Variants in DCP2 observed in about 807,000 individuals in gnomAD.
DCP2 encodes the protein m7GpppN-mRNA hydrolase.
A neutral mutation model predicts 56.1 loss-of-function variants in DCP2; 30 were observed. That is an observed-to-expected ratio of 0.53 (90% confidence interval 0.40 to 0.73). DCP2 has a LOEUF of 0.73. Ranked by LOEUF, DCP2 falls within the 30% of genes least tolerant of loss-of-function variation. The probability of loss-of-function intolerance (pLI) is 0.00; values close to 1 mark genes in which losing one functional copy is unlikely to be tolerated. For synonymous variants in DCP2, 197 were observed against 163.3 expected (o/e 1.21, Z -1.57); for missense variants, 533 against 502.7 (o/e 1.06, Z -0.58).
At chr5:112,989,879 A>G (rs922427150) in intron 2 of DCP2, among the ~76,000 whole-genome samples, 1 of 152,208 alleles carries the variant, frequency 6.6e-6, no homozygotes, top group Admixed American at 6.5e-5. Context: ...GGTAGTAGAA[A>G]TGAATAGAAG....
At position 113,017,152 on chromosome 5, in the gene DCP2, G is replaced by A. The variant is rs1025693652; in HGVS notation, c.*3668G>A. The A allele has an allele frequency of 2.0e-5, 3 of 152,048 alleles. No homozygotes were observed. Among genetic ancestry groups the A allele is most frequent in the East Asian group, 3.9e-4 (2 of 5,194 alleles). 9.4% of individuals were successfully genotyped at this position (152,048 alleles called of 1,614,324 possible). A position where few individuals can be genotyped will look rare whatever the true frequency, so the allele number is the denominator to read the frequency against. On this transcript the variant is annotated 3_prime_UTR_variant, in exon 11 of 11. Coordinates refer to ENST00000389063, the MANE Select transcript of DCP2 (RefSeq NM_152624.6). ...CATCTTTTGTGTTTCTATATTTTCC[G>A]AGGCAGTATTTTCTTTGTATGTTAA...
chr5:112,984,515 T>G (rs1197098778), intron 1 of DCP2: 1 of 151,664 alleles, frequency 6.6e-6, no homozygotes, highest in Non-Finnish European at 1.5e-5. Flanking sequence ...TGCTAAAACC[T>G]TCCAGATACG....
At chr5:112,984,703 A>AAAAAAAAATATATATATATATAT in intron 1 of DCP2, 2 of 64,856 alleles carry the variant, frequency 3.1e-5, no homozygotes, top group African/African-American at 1.6e-4. Flanking sequence ...AAAAAAAAAA[A>AAAAAAAAATATATATATATATAT]ATATATATAT....
Position 112,987,620 on chromosome 5 carries a change from C to CTTTTTTTTTTTT in DCP2, c.205+1648_205+1659dup, listed in dbSNP as rs562254738. Among the ~76,000 whole-genome samples the CTTTTTTTTTTTT allele has an allele frequency of 8.7e-3, 607 of 69,734 alleles. 2 individuals are homozygous for CTTTTTTTTTTTT. The highest frequency in any genetic ancestry group is 0.011 in the African/African-American group (172 of 16,030). 45.7% of individuals were successfully genotyped at this position (69,734 alleles called of 152,430 possible). On this transcript the variant is annotated intron_variant, in intron 2 of 10. Transcript: ENST00000389063. Reference sequence around the variant, plus strand: ...GGTGCAAGCCACCACACCTAGGTGCCTTTTTTTTTTTTTTTTTTTTTTTTT... The same window carrying CTTTTTTTTTTTT: ...GGTGCAAGCCACCACACCTAGGTGCCTTTTTTTTTTTTTTTTTTTTTTTTTTTTTTTTTTTTT...
At chr5:112,981,060 T>A (rs1393454646) in intron 1 of DCP2, among the ~76,000 whole-genome samples, 2 of 152,080 alleles carry the variant, frequency 1.3e-5, no homozygotes, top group Non-Finnish European at 2.9e-5. Context: ...TCTTGCACCA[T>A]TGCCCAGGCA....
chr5:113,006,065 G>C (rs1749417376), intron 8 of DCP2, among the ~76,000 whole-genome samples: 2 of 149,700 alleles, frequency 1.3e-5, no homozygotes, highest in African/African-American at 5.0e-5. Context: ...AGTCAAGGCT[G>C]TGGTGGCGCC....
rs1029687882 is a variant in DCP2 at position 113,022,176 on chromosome 5, A to G, written c.*8692A>G. The G allele has an allele frequency of 6.6e-6, 1 of 152,600 alleles. No homozygotes were observed. Among genetic ancestry groups the G allele is most frequent in the African/African-American group, 2.4e-5 (1 of 41,400 alleles). The allele number at this position is 152,600 out of a possible 1,614,324, so 9.5% of individuals were successfully genotyped here. A position where few individuals can be genotyped will look rare whatever the true frequency, so the allele number is the denominator to read the frequency against. ...ATTATAAATGTCTCTGTATAAATAA[A>G]TGGAGTTTTTAAAAAACAATTCTAT... On this transcript the variant is annotated 3_prime_UTR_variant, in exon 11 of 11. Coordinates refer to ENST00000389063, the MANE Select transcript of DCP2 (RefSeq NM_152624.6).
At chr5:112,992,447 A>G (rs1748638244) in intron 3 of DCP2, among the ~76,000 whole-genome samples, 199 bp downstream of exon 3, 2 of 152,230 alleles carry the variant, frequency 1.3e-5, no homozygotes, top group Admixed American at 6.5e-5. Flanking sequence ...GTGTGGTACA[A>G]AAAAGTGTCG....
chr5:112,977,611 T>G (rs1747779419), intron 1 of DCP2, among the ~76,000 whole-genome samples: 1 of 152,200 alleles, frequency 6.6e-6, no homozygotes, highest in South Asian at 2.1e-4. Flanking sequence ...TTTTTATCCT[T>G]AATAATCCTA....
chr5:113,003,784 T>A (rs890607823), intron 7 of DCP2, among the ~76,000 whole-genome samples, 158 bp from the exon 8 acceptor site: 1 of 152,250 alleles, frequency 6.6e-6, no homozygotes, highest in South Asian at 2.1e-4. Flanking sequence ...GATAAAGCAG[T>A]GCAGATTAAA....
At chr5:112,999,036 C>T (rs1032938122) in intron 4 of DCP2, among the ~76,000 whole-genome samples, 6 of 152,222 alleles carry the variant, frequency 3.9e-5, no homozygotes, top group African/African-American at 1.4e-4. Flanking sequence ...TTAATTGACA[C>T]GTCTCTTCAG....
At chr5:113,002,582 A>T (rs1426471016) in intron 7 of DCP2, among the ~76,000 whole-genome samples, 2 of 152,040 alleles carry the variant, frequency 1.3e-5, no homozygotes, top group South Asian at 2.1e-4. Flanking sequence ...AGTACGTGGC[A>T]TGATCACAGC....
chr5:113,001,644 C>T lies in DCP2; in HGVS notation c.776C>T (p.Thr259Met), dbSNP rs370253943. 14 of 1,613,950 alleles carry T rather than the reference C, an allele frequency of 8.7e-6. No individual in the cohort carries two copies. Among genetic ancestry groups the T allele is most frequent in the Admixed American group, 3.3e-5 (2 of 59,984 alleles). ...AATGGATTTTCCTCAACTGGTAGCA[C>T]GCCGGCTAAACCCACTGTGGAAAAA... ...SDNGFSSTGS[T>M]PAKPTVEKLS... is the part of the protein sequence containing the mutation. Residue 259 changes from threonine (T) to methionine (M), a missense_variant, in exon 7 of 11, where the codon ACG (threonine) becomes ATG (methionine). Around this residue, in one of 3 missense-constraint regions of DCP2, gnomAD observed 392 missense variants for 346.6 expected, o/e 1.13. Transcript: ENST00000389063.
At chr5:113,003,861 C>G in intron 7 of DCP2, 81 bp from the exon 8 acceptor site, 2 of 1,455,706 alleles carry the variant, frequency 1.4e-6, no homozygotes, top group East Asian at 2.4e-5. Context: ...AATATGTAGT[C>G]TATAAATTTA....
At chr5:112,977,926 G>A (rs1321374890) in intron 1 of DCP2, among the ~76,000 whole-genome samples, 1 of 151,772 alleles carries the variant, frequency 6.6e-6, no homozygotes. Context: ...TTAATGGAAA[G>A]TAAAGAACTG....
chr5:112,996,855 T>G (rs185376783), intron 4 of DCP2, among the ~76,000 whole-genome samples: 10 of 152,368 alleles, frequency 6.6e-5, no homozygotes, highest in Non-Finnish European at 1.0e-4. Flanking sequence ...ACAACAAATT[T>G]AAAGATTGCA....
Position 112,977,660 on chromosome 5 carries a change from G to C in DCP2, c.53+674G>C, listed in dbSNP as rs79402472. On this transcript the variant is annotated intron_variant, in intron 1 of 10. Coordinates refer to ENST00000389063, the MANE Select transcript of DCP2 (RefSeq NM_152624.6). ...TCTCAACCGCGGGGTTTTAACTCAG[G>C]GTGTATACTTCAGATGAGAAATTTT... Among the ~76,000 whole-genome samples, 701 of 152,058 alleles carry C rather than the reference G, an allele frequency of 4.6e-3. 5 individuals are homozygous for C. Among genetic ancestry groups the C allele is most frequent in the African/African-American group, 0.016 (661 of 41,460 alleles).
intron 4 of DCP2, among the ~76,000 whole-genome samples, chr5:112,994,660 T>C (rs17371710): frequency 0.011 from 1,657 of 152,286 alleles, 17 homozygotes; most frequent in Admixed American, 0.016. Flanking sequence ...TATCACACAA[T>C]TATTCTTGAG....
At chr5:113,005,989 G>C (rs9326868) in intron 8 of DCP2, among the ~76,000 whole-genome samples, 23,940 of 151,882 alleles carry the variant, frequency 0.16, 2,134 homozygotes, top group Non-Finnish European at 0.21. Context: ...AGCCAGGCAT[G>C]GTGGTGCACA....
Sources: allele counts gnomAD v4.1 joint callset (sites outside exome capture counted in the v4.1 genomes callset), GRCh38; gene constraint gnomAD v4.1.1; regional missense constraint gnomAD v4.1.1; transcripts MANE v1.5; gene names NCBI Gene and HGNC (gene_info 2026-07-23, HGNC 2026-07-21).